The following CDK14 variants were observed in gnomAD, a reference collection of about 807,000 sequenced individuals.
CDK14 encodes cyclin-dependent kinase 14.
Under a neutral mutation model 60.7 loss-of-function variants are expected in CDK14, and 34 were observed. The ratio of observed to expected loss-of-function variants is 0.56; its 90% CI spans 0.43 to 0.75. The LOEUF is 0.75. CDK14 is among the 30% of genes least tolerant of loss of function. The pLI is 0.00. For missense variants in CDK14, 482 were observed against 564.1 expected, an observed-to-expected ratio of 0.85 and a Z score of 1.47; for synonymous variants, 197 against 203.7, an observed-to-expected ratio of 0.97 and a Z score of 0.28.
chr7:90,842,193 T>C lies in CDK14; in HGVS notation c.545-20982T>C, dbSNP rs529529049. 2.0e-5 allele frequency among the ~76,000 whole-genome samples: 3 copies of C among 152,336 alleles called. No individual in the cohort carries two copies. In the South Asian group the frequency reaches 6.2e-4, roughly 32 times the overall value. ...TAGGCAAATTTAATACCTTATTTTA[T>C]ATATTTTCTTACAAGATGCTATTTT... On this transcript the variant is annotated intron_variant, in intron 5 of 14. Transcript: ENST00000380050.
rs752061485 is a variant in CDK14 at position 91,118,179 on chromosome 7, G to A, written c.1409G>A (p.Ter470=). Residue 470 remains the stop codon, a stop_retained_variant, in exon 14 of 15, where the codon TGA becomes TAA. Transcript: ENST00000380050. ...AAAAGTCTATCAAACAGCAAGCACT[G>A]ACAAGCAGCACATTCTCAAGAGCAC... ...YGKSLSNSKH[*] is the part of the protein sequence containing the mutation. 5.7e-6 allele frequency: 9 copies of A among 1,590,840 alleles called. 1 individual carries two copies. The South Asian group carries it at 6.6e-5, about 12-fold the overall frequency.
At chr7:91,200,015 A>G (rs571121385) in intron 14 of CDK14, among the ~76,000 whole-genome samples, 3 of 152,118 alleles carry the variant, frequency 2.0e-5, no homozygotes, top group Non-Finnish European at 4.4e-5. Flanking sequence ...GTTTCATACC[A>G]TTTCCTCCAA....
intron 5 of CDK14, among the ~76,000 whole-genome samples, chr7:90,799,063 T>G (rs1180749202): frequency 6.6e-6 from 1 of 152,236 alleles, no homozygotes; most frequent in African/African-American, 2.4e-5. Flanking sequence ...TTCCACGTTT[T>G]TTGTTGTCTT....
At chr7:90,608,549 A>G (rs901045749) in intron 2 of CDK14, 2 of 985,058 alleles carry the variant, frequency 2.0e-6, no homozygotes, top group African/African-American at 1.7e-5. Flanking sequence ...TTGCCAGAAC[A>G]AAGTGTTGGC....
chr7:91,195,744 T>A (rs1802515221), intron 14 of CDK14, among the ~76,000 whole-genome samples: 1 of 152,202 alleles, frequency 6.6e-6, no homozygotes, highest in Admixed American at 6.5e-5. Flanking sequence ...CAAGACTTCA[T>A]GTATATGAAA....
intron 14 of CDK14, among the ~76,000 whole-genome samples, chr7:91,138,852 G>A (rs975837940): frequency 1.3e-5 from 2 of 152,040 alleles, no homozygotes; most frequent in African/African-American, 2.4e-5. Context: ...GGCCCTGGGC[G>A]TAAATTGGAA....
intron 14 of CDK14, among the ~76,000 whole-genome samples, chr7:91,121,721 T>G (rs1409218896): frequency 1.3e-5 from 2 of 152,232 alleles, no homozygotes; most frequent in Admixed American, 6.5e-5. Context: ...ATACTGTGCT[T>G]CTTACATTTT....
rs1473471802 is a variant in CDK14 at position 90,794,405 on chromosome 7, T to C, written c.544+3753T>C. On this transcript the variant is annotated intron_variant, in intron 5 of 14. Transcript: ENST00000380050. ...CATCCTAATAAGCCTGCGAGCTCTA[T>C]GGGAGACCAGGGCTTATTTCATCCC... Among the ~76,000 whole-genome samples, 3 of 152,180 alleles carry C rather than the reference T, an allele frequency of 2.0e-5. 1 individual carries two copies. The highest frequency in any genetic ancestry group is 2.1e-4 in the South Asian group (1 of 4,834).
At chr7:90,765,608 T>TA (rs1306184089) in intron 4 of CDK14, among the ~76,000 whole-genome samples, 1 of 151,788 alleles carries the variant, frequency 6.6e-6, no homozygotes, top group Admixed American at 6.6e-5. Flanking sequence ...GAAGGTTTTT[T>TA]TTTTTTTTAA....
chr7:91,004,979 C>T (rs912036129), intron 10 of CDK14, among the ~76,000 whole-genome samples: 1 of 152,188 alleles, frequency 6.6e-6, no homozygotes, highest in African/African-American at 2.4e-5. Context: ...GGCTCTCCCT[C>T]GCCAAGTTCA....
chr7:90,618,934 A>C (rs988740090), intron 2 of CDK14, among the ~76,000 whole-genome samples: 2 of 152,192 alleles, frequency 1.3e-5, no homozygotes, highest in African/African-American at 2.4e-5. Flanking sequence ...GAGAAGGAGC[A>C]GGGAAGTAAA....
chr7:91,085,978 A>G (rs902627956), intron 12 of CDK14, among the ~76,000 whole-genome samples: 1 of 152,132 alleles, frequency 6.6e-6, no homozygotes, highest in African/African-American at 2.4e-5. Context: ...GTGATTTAGG[A>G]ACTGAATTTT....
At chr7:90,875,765 TC>T (rs1412309694) in intron 6 of CDK14, among the ~76,000 whole-genome samples, 6 of 152,094 alleles carry the variant, frequency 3.9e-5, no homozygotes, top group African/African-American at 9.6e-5. Flanking sequence ...TCTCCCGTTT[TC>T]TAATTCTTTT....
intron 12 of CDK14, among the ~76,000 whole-genome samples, chr7:91,088,620 GAC>G (rs1265229840): frequency 6.6e-6 from 1 of 150,992 alleles, no homozygotes; most frequent in Non-Finnish European, 1.5e-5. Context: ...CTATAAATGA[GAC>G]AAATGAATAG....
At chr7:90,611,180 CT>C (rs1799531367) in intron 2 of CDK14, among the ~76,000 whole-genome samples, 1 of 152,142 alleles carries the variant, frequency 6.6e-6, no homozygotes, top group African/African-American at 2.4e-5. Flanking sequence ...TTTCTAGATA[CT>C]TTCACCATAG....
At chr7:90,654,678 A>AG (rs899432806) in intron 2 of CDK14, among the ~76,000 whole-genome samples, 9 of 152,088 alleles carry the variant, frequency 5.9e-5, no homozygotes, top group Non-Finnish European at 2.9e-5. Context: ...TTTGGGTGGG[A>AG]GGGGGCTCAA....
chr7:90,985,192 C>G (rs897221724), intron 10 of CDK14, among the ~76,000 whole-genome samples: 1 of 152,230 alleles, frequency 6.6e-6, no homozygotes, highest in East Asian at 1.9e-4. Context: ...CTTATTTAAA[C>G]TTTTGAAAAT....
chr7:90,949,404 G>A (rs2117541712), intron 8 of CDK14, among the ~76,000 whole-genome samples: 1 of 152,146 alleles, frequency 6.6e-6, no homozygotes, highest in Middle Eastern at 3.4e-3. Flanking sequence ...GTTTCATCAT[G>A]TTGGCCAGGC....
chr7:90,708,928 C>G (rs573974249), intron 2 of CDK14, among the ~76,000 whole-genome samples: 164 of 152,254 alleles, frequency 1.1e-3, no homozygotes, highest in African/African-American at 3.7e-3. Context: ...GGATCAACCA[C>G]TCTCCTGTAG....
Sources: gnomAD v4.1 joint callset for allele counts (sites outside exome capture counted in the v4.1 genomes callset) on GRCh38, gnomAD v4.1.1 for gene constraint, MANE v1.5 for transcripts, NCBI Gene and HGNC (gene_info 2026-07-23, HGNC 2026-07-21) for gene names.